EFR3B: variants seen among roughly 807,000 people sequenced by gnomAD.
EFR3B encodes the protein protein EFR3 homolog B.
EFR3B carries 64 observed loss-of-function variants against 104.7 expected under a neutral mutation model. That is an observed-to-expected ratio of 0.61 (90% CI 0.50 to 0.75). The LOEUF (loss-of-function observed/expected upper bound fraction) is 0.75. Among genes scored for constraint, EFR3B ranks in the 30% least tolerant of loss-of-function variants. The probability of loss-of-function intolerance (pLI) is 0.00; values close to 1 mark genes in which losing one functional copy is unlikely to be tolerated. For missense variants in EFR3B, 750 were observed against 1,078.5 expected, an observed-to-expected ratio of 0.70 and a Z score of 4.27; for synonymous variants, 385 against 417.9, an observed-to-expected ratio of 0.92 and a Z score of 0.96.
In EFR3B at chr2:25,149,706, G is replaced by A. The variant is rs1670949176; in HGVS notation, c.2155G>A (p.Glu719Lys). 2 of 1,551,572 alleles carry A rather than the reference G, an allele frequency of 1.3e-6. No homozygotes were observed. The highest frequency in any genetic ancestry group is 1.7e-6 in the Non-Finnish European group (2 of 1,146,880). ...CCTTCTCCTTCAGCGAGTGCCTGCC[G>A]AGGAGATCACCTATGAGACACTGAA... The part of the protein sequence containing the change: ...SPEKEERVPA[E>K]EITYETLKKA... The change falls in exon 20 of 23, where the codon GAG (glutamate) becomes AAG (lysine). Residue 719 changes from glutamate to lysine, a missense_variant. Coordinates refer to ENST00000403714, the MANE Select transcript of EFR3B (RefSeq NM_014971.2).
In EFR3B at chr2:25,042,953, G is replaced by C. The variant is rs1377300633; in HGVS notation, c.7+634G>C. Among the ~76,000 whole-genome samples, 3 of 152,160 alleles carry C rather than the reference G, an allele frequency of 2.0e-5. No individual in the cohort carries two copies. Among genetic ancestry groups the C allele is most frequent in the African/African-American group, 4.8e-5 (2 of 41,448 alleles). On this transcript the variant is annotated intron_variant, in intron 1 of 22. Coordinates refer to ENST00000403714, the MANE Select transcript of EFR3B (RefSeq NM_014971.2). The surrounding 1 kb of genome is among the most constrained non-coding windows in gnomAD (Gnocchi z 5.4). The stretch of plus-strand genomic sequence containing the variant: ...TGCAGCACAGCCCTGACCTCTCCCC[G>C]CCTCCACCGCCATCCCCTCAACTGC...
At chr2:25,045,164 G>A (rs1008511944) in intron 1 of EFR3B, among the ~76,000 whole-genome samples, 5 of 152,176 alleles carry the variant, frequency 3.3e-5, no homozygotes, top group South Asian at 2.1e-4. Context: ...CTGCCAACTC[G>A]GGCACAGCCT....
chr2:25,096,628 C>A (rs1260699853), intron 3 of EFR3B, among the ~76,000 whole-genome samples: 1 of 152,202 alleles, frequency 6.6e-6, no homozygotes, highest in East Asian at 1.9e-4. Context: ...ACCCACTCCA[C>A]ATGAACTGCT....
chr2:25,083,767 A>G (rs577185718), intron 1 of EFR3B, among the ~76,000 whole-genome samples: 4 of 152,354 alleles, frequency 2.6e-5, no homozygotes, highest in Admixed American at 2.0e-4. Context: ...TCCTAAGCCC[A>G]TCTGACCTCT....
At position 25,042,427 on chromosome 2, in the gene EFR3B, T is replaced by C; in HGVS notation, c.7+108T>C. 8.2e-7 allele frequency: 1 copy of C among 1,216,830 alleles called. No homozygotes were observed. The highest frequency in any genetic ancestry group is 4.1e-5 in the South Asian group (1 of 24,214). 75.4% of individuals were successfully genotyped at this position (1,216,830 alleles called of 1,614,324 possible). On this transcript the variant is annotated intron_variant, in intron 1 of 22. Transcript: ENST00000403714. This position sits in a 1 kb window ranked among gnomAD's most constrained non-coding sequence, Gnocchi z 5.4. ...CGGCCCTGGCGCGGGGCCAGGCCGCTGACCTGGTGCCCGGCGGGGCTGTTG... is the reference window on the plus strand; with the variant it reads ...CGGCCCTGGCGCGGGGCCAGGCCGCCGACCTGGTGCCCGGCGGGGCTGTTG...
intron 6 of EFR3B, among the ~76,000 whole-genome samples, chr2:25,129,434 G>A (rs1330380474): frequency 6.8e-6 from 1 of 147,624 alleles, no homozygotes; most frequent in Non-Finnish European, 1.5e-5. Context: ...CTGACAAGCT[G>A]CTGTGGTCTC....
At chr2:25,080,059 G>T in intron 1 of EFR3B, 2 of 879,100 alleles carry the variant, frequency 2.3e-6, no homozygotes, top group Non-Finnish European at 3.9e-6. Context: ...TCATCAACTC[G>T]TGTACCTTGT....
At chr2:25,047,294 A>G (rs1018628375) in intron 1 of EFR3B, among the ~76,000 whole-genome samples, 1 of 151,934 alleles carries the variant, frequency 6.6e-6, no homozygotes, top group African/African-American at 2.4e-5. Flanking sequence ...AAGGAGCACC[A>G]AGAACCCCAC....
Position 25,131,717 on chromosome 2 carries a change from T to G in EFR3B, c.986-33T>G, listed in dbSNP as rs879928341. The stretch of plus-strand genomic sequence containing the variant: ...GCACAGAGGAGGAGGGTGCCAGCCT[T>G]GGATCTCGGGTGTCCCGCCCCACCG... On this transcript the variant is annotated intron_variant, in intron 9 of 22. Coordinates refer to ENST00000403714, the MANE Select transcript of EFR3B (RefSeq NM_014971.2). This position sits in a 1 kb window ranked among gnomAD's most constrained non-coding sequence, Gnocchi z 7.6. 1.3e-5 allele frequency: 19 copies of G among 1,485,052 alleles called. No homozygotes were observed. Among genetic ancestry groups the G allele is most frequent in the Non-Finnish European group, 1.7e-5 (19 of 1,111,678 alleles). The allele number at this position is 1,485,052 out of a possible 1,614,324, so 92.0% of individuals were successfully genotyped here. A position where few individuals can be genotyped will look rare whatever the true frequency, so the allele number is the denominator to read the frequency against.
chr2:25,131,502 G>A lies in EFR3B; in HGVS notation c.984G>A (p.Val328=). The change falls in exon 9 of 23, where the codon GTG becomes GTA. Residue 328 remains valine (V), a splice_region_variant and synonymous_variant. Transcript: ENST00000403714. The surrounding 1 kb of genome is among the most constrained non-coding windows in gnomAD (Gnocchi z 7.6). ...CGGTCATCGCTGCCACCGGCTCTGT[G>A]GGTAAGGGGCATGGCTAGGGCCTGA... ...EAAVIAATGS[V]GPTVLEMFNT... 2 of 1,549,270 alleles carry A rather than the reference G, an allele frequency of 1.3e-6. No individual in the cohort carries two copies. The highest frequency in any genetic ancestry group is 1.7e-6 in the Non-Finnish European group (2 of 1,146,808).
intron 1 of EFR3B, among the ~76,000 whole-genome samples, chr2:25,043,801 A>G (rs553377933): frequency 6.6e-6 from 1 of 152,280 alleles, no homozygotes; most frequent in Admixed American, 6.5e-5. Flanking sequence ...TTTTCTGCAG[A>G]GGTAGCAGCC....
intron 12 of EFR3B, among the ~76,000 whole-genome samples, chr2:25,134,325 G>A (rs988338609): frequency 6.6e-6 from 1 of 151,928 alleles, no homozygotes. Flanking sequence ...CCACCACCAC[G>A]CCTAGCTAAT....
intron 5 of EFR3B, among the ~76,000 whole-genome samples, chr2:25,125,313 G>A (rs751759011): frequency 2.6e-5 from 4 of 152,224 alleles, no homozygotes; most frequent in South Asian, 4.1e-4. Context: ...GTTGTTTCCT[G>A]CCAGCCAGGC....
intron 1 of EFR3B, chr2:25,080,129 C>T: frequency 9.2e-7 from 1 of 1,091,972 alleles, no homozygotes. Flanking sequence ...ATACCCTGTG[C>T]AATAACATCA....
At position 25,100,769 on chromosome 2, in the gene EFR3B, G is replaced by A. The variant is rs183005278; in HGVS notation, c.213-2868G>A. ...GGCCTCCCAAAGTGCTGGGATTACAGGCGTGAGCCACAGCGCCCGGCCTCC... is the reference window on the plus strand; with the variant it reads ...GGCCTCCCAAAGTGCTGGGATTACAAGCGTGAGCCACAGCGCCCGGCCTCC... On this transcript the variant is annotated intron_variant, in intron 3 of 22. Coordinates refer to ENST00000403714, the MANE Select transcript of EFR3B (RefSeq NM_014971.2). Among the ~76,000 whole-genome samples the A allele has an allele frequency of 1.1e-3, 164 of 152,276 alleles. 1 individual carries two copies. The highest frequency in any genetic ancestry group is 2.9e-4 in the Non-Finnish European group (20 of 68,012).
At chr2:25,076,049 T>C (rs1668625126) in intron 1 of EFR3B, among the ~76,000 whole-genome samples, 1 of 152,178 alleles carries the variant, frequency 6.6e-6, no homozygotes, top group African/African-American at 2.4e-5. Context: ...TGCGCCACCA[T>C]GCCTGGCTGA....
Position 25,042,245 on chromosome 2 carries a change from C to A in EFR3B, c.-68C>A, listed in dbSNP as rs1667592328. Reference sequence around the variant, plus strand: ...GCCCCGACTGTGAATGAAAGGCGGGCGCCGCCGAGGGCTGGCTGGGAACGC... The same window carrying A: ...GCCCCGACTGTGAATGAAAGGCGGGAGCCGCCGAGGGCTGGCTGGGAACGC... On this transcript the variant is annotated 5_prime_UTR_variant, in exon 1 of 23. Transcript: ENST00000403714. This position sits in a 1 kb window ranked among gnomAD's most constrained non-coding sequence, Gnocchi z 5.4. The A allele has an allele frequency of 5.4e-6, 7 of 1,296,202 alleles. No individual in the cohort carries two copies. Among genetic ancestry groups the A allele is most frequent in the Non-Finnish European group, 6.8e-6 (7 of 1,021,970 alleles). The allele number at this position is 1,296,202 out of a possible 1,614,324, so 80.3% of individuals were successfully genotyped here. A position where few individuals can be genotyped will look rare whatever the true frequency, so the allele number is the denominator to read the frequency against.
chr2:25,081,484 A>G lies in EFR3B; in HGVS notation c.8-9841A>G, dbSNP rs973003345. ...TGCCACATATCCTTTGGAAACGGAG[A>G]CACCAGCTTCTTGCAATAATTCCAT... On this transcript the variant is annotated intron_variant, in intron 1 of 22. Transcript: ENST00000403714. 1.3e-5 allele frequency: 19 copies of G among 1,438,060 alleles called. No individual in the cohort carries two copies. The African/African-American group carries it at 2.4e-4, about 18-fold the overall frequency. 89.1% of individuals were successfully genotyped at this position (1,438,060 alleles called of 1,614,324 possible).
intron 4 of EFR3B, among the ~76,000 whole-genome samples, chr2:25,105,435 G>A (rs1459000864): frequency 1.3e-5 from 2 of 152,236 alleles, no homozygotes; most frequent in East Asian, 3.8e-4. Context: ...ACAGGCGTGA[G>A]CCACCACGCC....
Sources: allele counts gnomAD v4.1 joint callset (sites outside exome capture counted in the v4.1 genomes callset), GRCh38; gene constraint gnomAD v4.1.1; non-coding constraint Gnocchi (gnomAD v3.1); transcripts MANE v1.5; gene names NCBI Gene and HGNC (gene_info 2026-07-23, HGNC 2026-07-21).